TAPBPL: variants seen among roughly 807,000 people sequenced by gnomAD.
TAPBPL encodes TAP binding protein like.
Under a neutral mutation model 44.8 loss-of-function variants are expected in TAPBPL, and 32 were observed. That is an observed-to-expected ratio of 0.71 (90% CI 0.54 to 0.96). The LOEUF is 0.96. TAPBPL is among the 40% of genes least tolerant of loss of function. TAPBPL has a pLI of 0.00. For synonymous variants in TAPBPL, 230 were observed against 240.7 expected, an observed-to-expected ratio of 0.96 and a Z score of 0.41; for missense variants, 520 against 586.6, an observed-to-expected ratio of 0.89 and a Z score of 1.17.
downstream of TAPBPL, chr12:6,463,099 C>T (rs1360923858): frequency 6.6e-7 from 1 of 1,520,144 alleles, no homozygotes; most frequent in Non-Finnish European, 8.8e-7. This position sits in a 1 kb window ranked among gnomAD's most constrained non-coding sequence, Gnocchi z 4.0. Flanking sequence ...TCAGCAATTG[C>T]CCCGAAGATA....
At chr12:6,465,461 TATATA>T (rs1949997930), downstream of TAPBPL, 6 of 117,944 alleles carry the variant, frequency 5.1e-5, no homozygotes, top group African/African-American at 2.6e-4. Flanking sequence ...CATATGTGTA[TATATA>T]GTGTGTGTGT....
chr12:6,469,205 G>C (rs1249407684), downstream of TAPBPL, among the ~76,000 whole-genome samples: 1 of 152,208 alleles, frequency 6.6e-6, no homozygotes, highest in Non-Finnish European at 1.5e-5. Flanking sequence ...CAAGACTCTT[G>C]TCCTGCCACT....
In TAPBPL at chr12:6,453,790, G is replaced by A. The variant is rs897855535; in HGVS notation, c.565+74G>A. 29 of 1,463,286 alleles carry A rather than the reference G, an allele frequency of 2.0e-5. No homozygotes were observed. The highest frequency in any genetic ancestry group is 4.9e-5 in the Admixed American group (2 of 40,856). The allele number at this position is 1,463,286 out of a possible 1,614,324, so 90.6% of individuals were successfully genotyped here. ...TCCAGAATTTTGGGATACCGAGGTCGGTGGATCACCTGAGGTCAGGAGTTT... is the reference window on the plus strand; with the variant it reads ...TCCAGAATTTTGGGATACCGAGGTCAGTGGATCACCTGAGGTCAGGAGTTT... On this transcript the variant is annotated intron_variant, in intron 3 of 6. Transcript: ENST00000266556. This position sits in a 1 kb window ranked among gnomAD's most constrained non-coding sequence, Gnocchi z 4.8.
chr12:6,463,246 G>C, downstream of TAPBPL: 2 of 1,382,366 alleles, frequency 1.4e-6, no homozygotes, highest in Non-Finnish European at 1.9e-6. This position sits in a 1 kb window ranked among gnomAD's most constrained non-coding sequence, Gnocchi z 4.0. Flanking sequence ...GAAGAACAGA[G>C]AGGCGGCTCT....
downstream of TAPBPL, chr12:6,464,936 C>A: frequency 1.2e-6 from 2 of 1,613,828 alleles, no homozygotes; most frequent in Non-Finnish European, 8.5e-7. Flanking sequence ...CCAGCATGAT[C>A]ATCATCTGAG....
chr12:6,462,204 C>T lies in TAPBPL; in HGVS notation c.*55C>T. 1 of 1,460,992 alleles carries T rather than the reference C, an allele frequency of 6.8e-7. No individual in the cohort carries two copies. The highest frequency in any genetic ancestry group is 9.3e-7 in the Non-Finnish European group (1 of 1,072,526). 90.5% of individuals were successfully genotyped at this position (1,460,992 alleles called of 1,614,324 possible). ...AACGACACCCTTCCCCAAGCCCCCA[C>T]AGCTACTCCAACCCAAACAACAACC... On this transcript the variant is annotated 3_prime_UTR_variant, in exon 7 of 7. Transcript: ENST00000266556.
rs757744603 is a variant in TAPBPL, at chr12:6,460,919, G to A, written c.1272G>A (p.Leu424=). The change falls in exon 6 of 7, where the codon CTG becomes CTA. Residue 424 remains leucine, a synonymous_variant. Coordinates refer to ENST00000266556, the MANE Select transcript of TAPBPL (RefSeq NM_018009.5). ...TCTTCCTTCTTGCACTGATGTTCCT[G>A]GGGCTTCAGAGACGGCAAGGTAAGA... The part of the protein sequence containing the change: ...SSLFLLALMF[L]GLQRRQAPTG... 3.8e-5 allele frequency: 61 copies of A among 1,613,990 alleles called. No individual in the cohort carries two copies. The highest frequency in any genetic ancestry group is 5.9e-6 in the Non-Finnish European group (7 of 1,180,016).
rs1285301465 is a variant in TAPBPL, at chr12:6,458,964, C to T, written c.1207+17C>T. On this transcript the variant is annotated intron_variant, in intron 5 of 6. Transcript: ENST00000266556. ...TCCCACCAGGTACTGGGAGTGTCCT[C>T]CTTTTCCCCACCTCCACACTAGGGC... 6.2e-7 allele frequency: 1 copy of T among 1,608,290 alleles called. No homozygotes were observed. The highest frequency in any genetic ancestry group is 1.7e-5 in the Admixed American group (1 of 59,798).
rs1375372029 is a variant in TAPBPL, at chr12:6,453,937, C to T, written c.565+221C>T. On this transcript the variant is annotated intron_variant, in intron 3 of 6. Transcript: ENST00000266556. The surrounding 1 kb of genome is among the most constrained non-coding windows in gnomAD (Gnocchi z 4.8). Reference sequence around the variant, plus strand: ...GGCTGAGGCAGGAGAATCGCTTGAACCCGGAAGGCAGAGGTTGCGGTGAGC... The same window carrying T: ...GGCTGAGGCAGGAGAATCGCTTGAATCCGGAAGGCAGAGGTTGCGGTGAGC... 6.7e-6 allele frequency among the ~76,000 whole-genome samples: 1 copy of T among 148,156 alleles called. No homozygotes were observed.
chr12:6,455,215 TGA>T (rs1421174638), intron 3 of TAPBPL, among the ~76,000 whole-genome samples: 2 of 152,174 alleles, frequency 1.3e-5, no homozygotes, highest in Non-Finnish European at 2.9e-5. Flanking sequence ...TCCTCTGAAC[TGA>T]GAGTAAGTTG....
At chr12:6,455,857 T>C (rs907962608) in intron 3 of TAPBPL, among the ~76,000 whole-genome samples, 1 of 151,312 alleles carries the variant, frequency 6.6e-6, no homozygotes, top group African/African-American at 2.4e-5. Flanking sequence ...GCCTCCCAGG[T>C]TCAAGTGATT....
intron 5 of TAPBPL, among the ~76,000 whole-genome samples, chr12:6,459,996 C>G (rs1949807881): frequency 6.6e-6 from 1 of 151,976 alleles, no homozygotes; most frequent in Non-Finnish European, 1.5e-5. Flanking sequence ...TCTCAAACTC[C>G]TGACCTCAGG....
chr12:6,458,473 C>G (rs989902333), intron 4 of TAPBPL, among the ~76,000 whole-genome samples, 172 bp from the exon 5 acceptor site: 1 of 152,162 alleles, frequency 6.6e-6, no homozygotes, highest in Non-Finnish European at 1.5e-5. Context: ...ACCCTGCCCC[C>G]TTACGGCCTG....
chr12:6,463,644 A>G (rs1949935373), downstream of TAPBPL: 1 of 1,085,232 alleles, frequency 9.2e-7, no homozygotes, highest in Admixed American at 4.9e-5. This position sits in a 1 kb window ranked among gnomAD's most constrained non-coding sequence, Gnocchi z 4.0. Flanking sequence ...ATTAACTGGG[A>G]GCTAGGTTAA....
At chr12:6,465,373 A>ATGTTTATAT (rs1565525991), downstream of TAPBPL, 1 of 104,214 alleles carries the variant, frequency 9.6e-6, no homozygotes. Flanking sequence ...TATATATATA[A>ATGTTTATAT]ATGTATATAT....
intron 5 of TAPBPL, 35 bp from the exon 6 acceptor site, chr12:6,460,820 A>C: frequency 6.2e-7 from 1 of 1,610,250 alleles, no homozygotes. Flanking sequence ...ATTCCTGCGC[A>C]CGATGATCCC....
chr12:6,461,360 G>A (rs1384072074), intron 6 of TAPBPL: 17 of 1,020,786 alleles, frequency 1.7e-5, no homozygotes, highest in Non-Finnish European at 2.0e-5. Flanking sequence ...AAGGCAGAAT[G>A]TCCAGATGGA....
the TAPBPL span, among the ~76,000 whole-genome samples, chr12:6,471,543 C>CA: frequency 6.6e-6 from 1 of 152,070 alleles, no homozygotes; most frequent in Non-Finnish European, 1.5e-5. The surrounding 1 kb of genome is among the most constrained non-coding windows in gnomAD (Gnocchi z 4.0). Flanking sequence ...AAAAAGGTTA[C>CA]AAGGCCGGGC....
downstream of TAPBPL, chr12:6,464,018 GC>G (rs991196680): frequency 7.0e-6 from 9 of 1,293,336 alleles, no homozygotes; most frequent in Non-Finnish European, 9.1e-6. Context: ...ACATGACCAG[GC>G]AGTACTGAGT....
Sources: allele counts gnomAD v4.1 joint callset (sites outside exome capture counted in the v4.1 genomes callset), GRCh38; gene constraint gnomAD v4.1.1; non-coding constraint Gnocchi (gnomAD v3.1); transcripts MANE v1.5; gene names NCBI Gene and HGNC (gene_info 2026-07-23, HGNC 2026-07-21).